Variants in DLGAP2 observed in about 807,000 individuals in gnomAD.
DLGAP2 encodes the protein DLG associated protein 2.
Under a neutral mutation model 100.3 loss-of-function variants are expected in DLGAP2, and 26 were observed. That is an observed-to-expected ratio of 0.26 (90% CI 0.19 to 0.36). The LOEUF (loss-of-function observed/expected upper bound fraction) is 0.36. Ranked by LOEUF, DLGAP2 falls within the 10% of genes least tolerant of loss-of-function variation. DLGAP2 has a pLI of 1.00. For missense variants in DLGAP2, 1,858 were observed against 1,453.2 expected (o/e 1.28, Z -4.53); for synonymous variants, 886 against 630.1 (o/e 1.41, Z -6.08).
chr8:1,668,618 C>A lies in DLGAP2; in HGVS notation c.2100C>A (p.Ala700=), dbSNP rs773040913. The A allele has an allele frequency of 1.2e-6, 2 of 1,600,288 alleles. No homozygotes were observed. The highest frequency in any genetic ancestry group is 1.3e-5 in the African/African-American group (1 of 74,648). Residue 700 remains alanine (A), a synonymous_variant, in exon 9 of 15, where the codon GCC becomes GCA. Transcript: ENST00000637795. ...QSSSVRTSDK[A]ILVSKAEELL... ...GCTCTGTGCGGACCAGCGACAAGGC[C>A]ATCCTGGTGTCCAAGGCGGAGGAGC...
intron 1 of DLGAP2, among the ~76,000 whole-genome samples, chr8:763,262 G>A (rs1821132104): frequency 6.6e-6 from 1 of 152,184 alleles, no homozygotes. Flanking sequence ...GCGTGCTACT[G>A]CTGTATTTAT....
intron 8 of DLGAP2, among the ~76,000 whole-genome samples, chr8:1,634,588 G>C (rs1050225100): frequency 6.6e-6 from 1 of 152,160 alleles, no homozygotes; most frequent in African/African-American, 2.4e-5. Flanking sequence ...ATTAGAATCA[G>C]GGAAGTAATG....
chr8:1,096,595 T>C (rs1245124657), intron 2 of DLGAP2, among the ~76,000 whole-genome samples: 3 of 151,498 alleles, frequency 2.0e-5, no homozygotes, highest in African/African-American at 7.3e-5. Context: ...GCCTTCACCC[T>C]CTGTGGCATA....
At chr8:1,314,493 T>C (rs1800682896) in intron 3 of DLGAP2, among the ~76,000 whole-genome samples, 1 of 152,196 alleles carries the variant, frequency 6.6e-6, no homozygotes, top group Non-Finnish European at 1.5e-5. Flanking sequence ...GATTTCTCCA[T>C]CCAAAAAATA....
Position 1,549,058 on chromosome 8 carries a change from T to C in DLGAP2, c.605T>C (p.Leu202Pro), listed in dbSNP as rs776421079. ...LLDQFEKQLP[L>P]HRDGFHTLQY... Reference sequence around the variant, plus strand: ...GACCAGTTCGAGAAGCAGCTGCCGCTGCACCGGGACGGCTTCCACACGCTG... The same window carrying C: ...GACCAGTTCGAGAAGCAGCTGCCGCCGCACCGGGACGGCTTCCACACGCTG... Residue 202 changes from leucine to proline, a missense_variant, in exon 5 of 15, where the codon CTG (leucine) becomes CCG (proline). Physicochemically the swap from Leu to Pro is moderately conservative, Grantham distance 98. Coordinates refer to ENST00000637795, the MANE Select transcript of DLGAP2 (RefSeq NM_001346810.2). The C allele has an allele frequency of 5.5e-5, 88 of 1,591,652 alleles. No individual in the cohort carries two copies. Among genetic ancestry groups the C allele is most frequent in the Non-Finnish European group, 7.4e-5 (87 of 1,173,388 alleles).
chr8:1,621,633 A>G (rs1206177536), intron 6 of DLGAP2: 3 of 152,156 alleles, frequency 2.0e-5, no homozygotes, highest in Non-Finnish European at 2.9e-5. Context: ...CAGGTGCTCC[A>G]TAGACTCACC....
At chr8:1,043,263 TGG>T in intron 2 of DLGAP2, among the ~76,000 whole-genome samples, 1 of 86,290 alleles carries the variant, frequency 1.2e-5, no homozygotes, top group African/African-American at 4.6e-5. Flanking sequence ...GTGTGGGTGG[TGG>T]ATGTGGGTGG....
chr8:1,078,636 G>A (rs1273644615), intron 2 of DLGAP2, among the ~76,000 whole-genome samples: 1 of 152,170 alleles, frequency 6.6e-6, no homozygotes, highest in East Asian at 1.9e-4. Flanking sequence ...TTTCCAGAAT[G>A]TCATAGAGTT....
intron 2 of DLGAP2, among the ~76,000 whole-genome samples, chr8:935,422 A>C (rs1257104575): frequency 6.6e-6 from 1 of 152,216 alleles, no homozygotes; most frequent in Non-Finnish European, 1.5e-5. Context: ...ACACATGTGA[A>C]GTAGCTTATT....
chr8:1,505,440 T>C lies in DLGAP2; in HGVS notation c.172+4009T>C, dbSNP rs1799873089. Among the ~76,000 whole-genome samples the C allele has an allele frequency of 3.3e-5, 5 of 152,200 alleles. No individual in the cohort carries two copies. In the South Asian group the frequency reaches 1.0e-3, roughly 32 times the overall value. On this transcript the variant is annotated intron_variant, in intron 4 of 14. Coordinates refer to ENST00000637795, the MANE Select transcript of DLGAP2 (RefSeq NM_001346810.2). ...AAGCTCCAAGGAAAGCTGAGTAGCA[T>C]TGGCTGAAGAGCTTAAGATACCATT... is the stretch of plus-strand genomic sequence containing the variant.
intron 2 of DLGAP2, among the ~76,000 whole-genome samples, chr8:1,147,538 C>CTTT (rs66900715): frequency 6.9e-6 from 1 of 144,378 alleles, no homozygotes; most frequent in African/African-American, 2.6e-5. Context: ...ATACCTTCTT[C>CTTT]TTTTTTTTTT....
intron 3 of DLGAP2, among the ~76,000 whole-genome samples, chr8:1,335,988 G>A (rs1386860190): frequency 6.6e-6 from 1 of 152,178 alleles, no homozygotes; most frequent in Non-Finnish European, 1.5e-5. Context: ...GCTTTTTCCG[G>A]TAAAGAGCTC....
At chr8:1,430,013 T>TATATAC (rs1554467376) in intron 3 of DLGAP2, among the ~76,000 whole-genome samples, 2 of 76,078 alleles carry the variant, frequency 2.6e-5, no homozygotes, top group African/African-American at 9.8e-5. Flanking sequence ...TATACATATA[T>TATATAC]ATATATATAT....
chr8:1,294,063 C>G lies in DLGAP2; in HGVS notation c.106+35180C>G, dbSNP rs192844302. Among the ~76,000 whole-genome samples the G allele has an allele frequency of 6.0e-3, 907 of 152,250 alleles. 6 individuals carry two copies. The highest frequency in any genetic ancestry group is 0.021 in the African/African-American group (878 of 41,534). On this transcript the variant is annotated intron_variant, in intron 3 of 14. Coordinates refer to ENST00000637795, the MANE Select transcript of DLGAP2 (RefSeq NM_001346810.2). ...TCCCTGCCGGGCAGAGGGGAATGGA[C>G]TCGCCCTCGCTTCCTGGAATTCCAA...
At chr8:921,635 G>C (rs755956949) in intron 2 of DLGAP2, among the ~76,000 whole-genome samples, 1 of 152,242 alleles carries the variant, frequency 6.6e-6, no homozygotes, top group Non-Finnish European at 1.5e-5. Flanking sequence ...AAACTCCTCC[G>C]CTGGCAGCGC....
intron 6 of DLGAP2, among the ~76,000 whole-genome samples, chr8:1,571,456 GA>G (rs1363943190): frequency 7.4e-6 from 1 of 135,308 alleles, no homozygotes; most frequent in Non-Finnish European, 1.6e-5. Context: ...GGAGAGGAGA[GA>G]GGGGTGAACT....
intron 2 of DLGAP2, among the ~76,000 whole-genome samples, chr8:953,781 C>T (rs553199780): frequency 3.5e-4 from 53 of 151,176 alleles, no homozygotes; most frequent in African/African-American, 1.1e-3. Flanking sequence ...TGAGTGCTTC[C>T]GTTTAAGACA....
intron 2 of DLGAP2, among the ~76,000 whole-genome samples, chr8:975,547 C>T (rs995429425): frequency 9.2e-5 from 14 of 152,150 alleles, no homozygotes; most frequent in Non-Finnish European, 1.5e-4. Context: ...TAATTTTACA[C>T]CATGACCAAG....
At chr8:1,514,884 G>T (rs1800305454) in intron 4 of DLGAP2, among the ~76,000 whole-genome samples, 1 of 152,228 alleles carries the variant, frequency 6.6e-6, no homozygotes. Flanking sequence ...GGACCCCGGG[G>T]AGATGAAAGC....
Sources: gnomAD v4.1 joint callset for allele counts (sites outside exome capture counted in the v4.1 genomes callset) on GRCh38, gnomAD v4.1.1 for gene constraint, MANE v1.5 for transcripts, NCBI Gene and HGNC (gene_info 2026-07-23, HGNC 2026-07-21) for gene names.